ARHGEF10: variants seen among roughly 807,000 people sequenced by gnomAD.
ARHGEF10 encodes the protein Rho guanine nucleotide exchange factor 10, also known as Rho guanine nucleotide exchange factor (GEF) 10.
Under a neutral mutation model 147.4 loss-of-function variants are expected in ARHGEF10, and 140 were observed. The ratio of observed to expected loss-of-function variants is 0.95; its 90% CI spans 0.83 to 1.09. The LOEUF is 1.09. Among genes scored for constraint, ARHGEF10 ranks in the 50% least tolerant of loss-of-function variants. The probability of loss-of-function intolerance (pLI) is 0.00; values close to 1 mark genes in which losing one functional copy is unlikely to be tolerated. For missense variants in ARHGEF10, 2,222 were observed against 1,752.7 expected, an observed-to-expected ratio of 1.27 and a Z score of -4.78; for synonymous variants, 902 against 695.8, an observed-to-expected ratio of 1.30 and a Z score of -4.67.
At chr8:1,939,108 C>T (rs992128856) in intron 26 of ARHGEF10, among the ~76,000 whole-genome samples, 1 of 152,198 alleles carries the variant, frequency 6.6e-6, no homozygotes, top group African/African-American at 2.4e-5. Context: ...TGTGGAATCC[C>T]AGTCCCCGGA....
chr8:1,895,981 T>C (rs1390159924), intron 13 of ARHGEF10, among the ~76,000 whole-genome samples: 2 of 152,178 alleles, frequency 1.3e-5, no homozygotes, highest in Middle Eastern at 3.2e-3. Context: ...TTGCATGACT[T>C]TCTTGCCTGG....
At chr8:1,931,725 A>G (rs1476553553) in intron 25 of ARHGEF10, among the ~76,000 whole-genome samples, 1 of 152,092 alleles carries the variant, frequency 6.6e-6, no homozygotes, top group East Asian at 1.9e-4. Flanking sequence ...AAAAATGTGA[A>G]ATTCTGTGGG....
In ARHGEF10 at chr8:1,843,443, G is replaced by T. The variant is rs201940296; in HGVS notation, c.37+7G>T. ...CTGCCTCCCGCTCCTGCAGGTAACA[G>T]CACTCAGTAGGTGGGCCTGTGGGTC... On this transcript the variant is annotated splice_region_variant and intron_variant, in intron 2 of 28. Transcript: ENST00000349830. 11 of 1,610,398 alleles carry T rather than the reference G, an allele frequency of 6.8e-6. No individual in the cohort carries two copies. Among genetic ancestry groups the T allele is most frequent in the Non-Finnish European group, 8.5e-6 (10 of 1,177,872 alleles).
At chr8:1,834,568 T>C (rs564862322) in intron 1 of ARHGEF10, among the ~76,000 whole-genome samples, 1 of 152,276 alleles carries the variant, frequency 6.6e-6, no homozygotes, top group Admixed American at 6.5e-5. Flanking sequence ...AAGAAGGTCT[T>C]TCCTCCCTCC....
chr8:1,913,143 G>A (rs1293922252), intron 18 of ARHGEF10, among the ~76,000 whole-genome samples: 1 of 152,110 alleles, frequency 6.6e-6, no homozygotes, highest in Non-Finnish European at 1.5e-5. Flanking sequence ...GTGGGGGTGG[G>A]TGGGGAGGTG....
At chr8:1,939,243 G>A (rs1254143556) in intron 26 of ARHGEF10, among the ~76,000 whole-genome samples, 1 of 152,234 alleles carries the variant, frequency 6.6e-6, no homozygotes, top group Non-Finnish European at 1.5e-5. Context: ...GAGAACCAAG[G>A]CTTAGAGAAA....
intron 11 of ARHGEF10, among the ~76,000 whole-genome samples, chr8:1,893,092 CAAAAAAA>C (rs34033686): frequency 1.4e-4 from 11 of 76,848 alleles, no homozygotes; most frequent in East Asian, 3.9e-4. Flanking sequence ...AAGATCTTTG[CAAAAAAA>C]AAAAAAAAAA....
intron 1 of ARHGEF10, among the ~76,000 whole-genome samples, chr8:1,836,847 A>G (rs1227491044): frequency 6.6e-6 from 1 of 152,096 alleles, no homozygotes; most frequent in East Asian, 1.9e-4. Context: ...TATTCTCCTG[A>G]TAGTGAATAA....
Position 1,841,934 on chromosome 8 carries a change from TGGGG to T in ARHGEF10, c.-47-1418_-47-1415del, listed in dbSNP as rs1563161718. 3.0e-3 allele frequency among the ~76,000 whole-genome samples: 245 copies of T among 82,068 alleles called. 5 individuals carry two copies. Among genetic ancestry groups the T allele is most frequent in the Admixed American group, 4.1e-3 (32 of 7,860 alleles). 53.8% of individuals were successfully genotyped at this position (82,068 alleles called of 152,430 possible). On this transcript the variant is annotated intron_variant, in intron 1 of 28. Coordinates refer to ENST00000349830, the MANE Select transcript of ARHGEF10 (RefSeq NM_014629.4). ...CGGGAACTGGGGCCGCGGCGGGAAC[TGGGG>T]CCGCGACCGGAACTGGGGCCGCGAC...
rs185294345 is a variant in ARHGEF10, at chr8:1,946,825, G to A, written c.3397+1170G>A. On this transcript the variant is annotated intron_variant, in intron 27 of 28. Transcript: ENST00000349830. ...CGAGGAGGTGTTGAGGATGTTCCTC[G>A]GGGCCTCCGTGTCCCCGCCGCACTC... Among the ~76,000 whole-genome samples the A allele has an allele frequency of 2.3e-3, 343 of 152,292 alleles. 1 individual carries two copies. The highest frequency in any genetic ancestry group is 8.0e-3 in the African/African-American group (332 of 41,568).
Position 1,869,182 on chromosome 8 carries a change from C to T in ARHGEF10, c.623-12C>T, listed in dbSNP as rs749713527. 2.7e-5 allele frequency: 43 copies of T among 1,612,066 alleles called. No homozygotes were observed. Among genetic ancestry groups the T allele is most frequent in the Non-Finnish European group, 3.5e-5 (41 of 1,178,076 alleles). On this transcript the variant is annotated splice_polypyrimidine_tract_variant and intron_variant, in intron 6 of 28. Transcript: ENST00000349830. ...GGTCACTGTTTAAAGTGTTTCTCCC[C>T]GTTTATTGCAGATCCAGAGGAAGCA...
chr8:1,904,918 C>T (rs1258017044), intron 16 of ARHGEF10, among the ~76,000 whole-genome samples: 2 of 152,124 alleles, frequency 1.3e-5, no homozygotes, highest in African/African-American at 4.8e-5. Context: ...GTCAGGAGTT[C>T]CGGACCAGCC....
chr8:1,857,056 C>G (rs984441649), intron 2 of ARHGEF10, among the ~76,000 whole-genome samples: 2 of 152,204 alleles, frequency 1.3e-5, no homozygotes, highest in African/African-American at 4.8e-5. Context: ...CCAAGGAGAC[C>G]TGTGACTCGC....
In ARHGEF10 at chr8:1,956,899, C is replaced by A. The variant is rs749312151; in HGVS notation, c.3671C>A (p.Pro1224Gln). ...GACGAAGACCAGAAGGACGCACTTC[C>A]GAGTGGAGGAGCTGGTTCATCTCTG... ...PQDEDQKDAL[P>Q]SGGAGSSLSQ... Residue 1224 changes from proline to glutamine, a missense_variant, in exon 29 of 29, where the codon CCG becomes CAG. Transcript: ENST00000349830. The A allele has an allele frequency of 6.2e-7, 1 of 1,613,930 alleles. No individual in the cohort carries two copies. Among genetic ancestry groups the A allele is most frequent in the African/African-American group, 1.3e-5 (1 of 74,932 alleles).
At chr8:1,849,491 G>C (rs1163178382) in intron 2 of ARHGEF10, among the ~76,000 whole-genome samples, 1 of 150,980 alleles carries the variant, frequency 6.6e-6, no homozygotes, top group Admixed American at 6.6e-5. Context: ...AGGGGGGCGT[G>C]GGGCAGCCAC....
chr8:1,885,845 C>G, intron 11 of ARHGEF10, 138 bp downstream of exon 11: 1 of 744,322 alleles, frequency 1.3e-6, no homozygotes, highest in Admixed American at 2.0e-5. Context: ...CTGTAGGTTC[C>G]TGGCCCAGCA....
At chr8:1,853,195 C>T (rs1037579954) in intron 2 of ARHGEF10, among the ~76,000 whole-genome samples, 6 of 152,286 alleles carry the variant, frequency 3.9e-5, no homozygotes, top group East Asian at 1.9e-4. Context: ...CAGAACCTGC[C>T]GTCCTGAGTG....
intron 23 of ARHGEF10, among the ~76,000 whole-genome samples, chr8:1,927,771 T>C (rs745535291): frequency 7.2e-5 from 11 of 152,042 alleles, no homozygotes; most frequent in Non-Finnish European, 1.6e-4. Flanking sequence ...TGAAACCCCA[T>C]CTCTACTAAG....
chr8:1,866,499 C>G, intron 5 of ARHGEF10, 27 bp from the exon 6 acceptor site: 1 of 1,611,376 alleles, frequency 6.2e-7, no homozygotes, highest in South Asian at 1.1e-5. Context: ...CCTGGATATT[C>G]TGACTTTATG....
Sources: allele counts gnomAD v4.1 joint callset (sites outside exome capture counted in the v4.1 genomes callset), GRCh38; gene constraint gnomAD v4.1.1; transcripts MANE v1.5; gene names NCBI Gene and HGNC (gene_info 2026-07-23, HGNC 2026-07-21).